SRBD1: variants seen among roughly 807,000 people sequenced by gnomAD.
The protein encoded by SRBD1 is S1 RNA binding domain 1, also known as S1 RNA-binding domain-containing protein 1.
Under a neutral mutation model 115.3 loss-of-function variants are expected in SRBD1, and 88 were observed. The ratio of observed to expected loss-of-function variants is 0.76; its 90% CI spans 0.64 to 0.91. SRBD1 has a LOEUF of 0.91. Ranked by LOEUF, SRBD1 falls within the 40% of genes least tolerant of loss-of-function variation. The pLI, the probability that SRBD1 is intolerant of heterozygous loss-of-function variation, is 0.00. For missense variants in SRBD1, 1,385 were observed against 1,177.4 expected (o/e 1.18, Z -2.58); for synonymous variants, 509 against 407.7 (o/e 1.25, Z -2.99).
intron 16 of SRBD1, among the ~76,000 whole-genome samples, chr2:45,465,134 C>A (rs1025803202): frequency 1.3e-5 from 2 of 151,778 alleles, no homozygotes; most frequent in Non-Finnish European, 2.9e-5. Context: ...TGATATAAAA[C>A]GGTGTAGTAT....
In SRBD1 at chr2:45,581,766, T is replaced by A. The variant is rs1673372305; in HGVS notation, c.860A>T (p.Lys287Met). 6.2e-7 allele frequency: 1 copy of A among 1,613,432 alleles called. No individual in the cohort carries two copies. The highest frequency in any genetic ancestry group is 8.5e-7 in the Non-Finnish European group (1 of 1,179,784). The change falls in exon 6 of 21, where the codon AAG becomes ATG. Residue 287 changes from lysine to methionine, a missense_variant. Transcript: ENST00000263736. Reference sequence around the variant, plus strand: ...CAAGCACTCAGACATCTTCCCTTCCTTCTTAATTTTCTGGATTGTACTATG... The same window carrying A: ...CAAGCACTCAGACATCTTCCCTTCCATCTTAATTTTCTGGATTGTACTATG... ...KVHSTIQKIK[K>M]EGKMSECLLK...
At chr2:45,509,827 TG>T (rs973018957) in intron 14 of SRBD1, among the ~76,000 whole-genome samples, 2 of 152,120 alleles carry the variant, frequency 1.3e-5, no homozygotes, top group African/African-American at 4.8e-5. Context: ...CTTGTATTCT[TG>T]GGCTCAAGTG....
chr2:45,573,114 T>C lies in SRBD1; in HGVS notation c.1305+93A>G, dbSNP rs190079459. On this transcript the variant is annotated intron_variant, in intron 9 of 20. Coordinates refer to ENST00000263736, the MANE Select transcript of SRBD1 (RefSeq NM_018079.5). ...TAAAGAAAAAAGAAAACAGTTGACA[T>C]AAAATTATTTAAATTCTTAGTAAAG... 1,058 of 1,319,654 alleles carry C rather than the reference T, an allele frequency of 8.0e-4. 8 individuals carry two copies. In the African/African-American group the frequency reaches 0.014, roughly 18 times the overall value. 81.7% of individuals were successfully genotyped at this position (1,319,654 alleles called of 1,614,324 possible).
chr2:45,430,719 A>T (rs926408187), intron 16 of SRBD1, among the ~76,000 whole-genome samples: 6 of 152,232 alleles, frequency 3.9e-5, no homozygotes, highest in African/African-American at 1.4e-4. Context: ...GATACCATTC[A>T]GGACATAGGC....
At chr2:45,509,572 G>A (rs1171348552) in intron 14 of SRBD1, among the ~76,000 whole-genome samples, 1 of 131,812 alleles carries the variant, frequency 7.6e-6, no homozygotes, top group Non-Finnish European at 1.6e-5. Flanking sequence ...CTCCAGCCTG[G>A]AGGACACAGC....
intron 8 of SRBD1, among the ~76,000 whole-genome samples, chr2:45,574,095 G>C (rs148275384): frequency 1.6e-3 from 237 of 152,146 alleles, no homozygotes; most frequent in African/African-American, 5.5e-3. Flanking sequence ...GAAGGCTCTA[G>C]GTCAAAGATC....
chr2:45,491,135 C>A (rs1366409885), intron 14 of SRBD1, among the ~76,000 whole-genome samples: 1 of 151,934 alleles, frequency 6.6e-6, no homozygotes, highest in South Asian at 2.1e-4. Flanking sequence ...CTCCCTTTTT[C>A]ATTCCTATTT....
intron 16 of SRBD1, among the ~76,000 whole-genome samples, chr2:45,446,295 T>G (rs1668821690): frequency 6.6e-6 from 1 of 152,188 alleles, no homozygotes; most frequent in African/African-American, 2.4e-5. Flanking sequence ...ATCAGGTCCC[T>G]GCTTCATAAT....
intron 14 of SRBD1, among the ~76,000 whole-genome samples, chr2:45,490,827 G>C (rs1670269694): frequency 6.6e-6 from 1 of 152,112 alleles, no homozygotes; most frequent in Non-Finnish European, 1.5e-5. Context: ...ATACAAAACA[G>C]ATGTGACACA....
At position 45,551,151 on chromosome 2, in the gene SRBD1, C is replaced by T. The variant is rs781213947; in HGVS notation, c.1649G>A (p.Cys550Tyr). Residue 550 changes from cysteine (C) to tyrosine (Y), a missense_variant, in exon 12 of 21, where the codon TGC becomes TAC. Physicochemically the swap from Cys to Tyr is radical, Grantham distance 194. Coordinates refer to ENST00000263736, the MANE Select transcript of SRBD1 (RefSeq NM_018079.5). ...AGTAGGAGAAATTATAGCTAATTTGCAACCATGTTTATAACCAGGATCCAC... is the reference window on the plus strand; with the variant it reads ...AGTAGGAGAAATTATAGCTAATTTGTAACCATGTTTATAACCAGGATCCAC... ...MGVDPGYKHG[C>Y]KLAIISPTSQ... The T allele has an allele frequency of 1.3e-6, 2 of 1,596,084 alleles. No individual in the cohort carries two copies. Among genetic ancestry groups the T allele is most frequent in the African/African-American group, 2.7e-5 (2 of 73,774 alleles).
chr2:45,465,215 T>C (rs1669447981), intron 16 of SRBD1, among the ~76,000 whole-genome samples: 1 of 152,142 alleles, frequency 6.6e-6, no homozygotes. Flanking sequence ...TAATACCTAA[T>C]ACGGTGTAAA....
At chr2:45,583,122 G>A (rs1232788795) in intron 5 of SRBD1, among the ~76,000 whole-genome samples, 1 of 151,774 alleles carries the variant, frequency 6.6e-6, no homozygotes, top group Non-Finnish European at 1.5e-5. Context: ...CCTAATAATG[G>A]TATTGCTAAA....
chr2:45,604,472 AAGG>A (rs1268172331), intron 2 of SRBD1, among the ~76,000 whole-genome samples: 2 of 152,114 alleles, frequency 1.3e-5, no homozygotes, highest in African/African-American at 4.8e-5. Context: ...TAAAGGGACT[AAGG>A]AGAAGGATCT....
At chr2:45,544,044 A>T (rs544701321) in intron 14 of SRBD1, among the ~76,000 whole-genome samples, 4 of 152,204 alleles carry the variant, frequency 2.6e-5, no homozygotes, top group Admixed American at 1.3e-4. Flanking sequence ...ATCCTGGCTA[A>T]TACGGTGAAA....
intron 16 of SRBD1, among the ~76,000 whole-genome samples, chr2:45,450,773 G>A (rs1463952990): frequency 1.3e-5 from 2 of 152,132 alleles, no homozygotes; most frequent in African/African-American, 4.8e-5. Flanking sequence ...ATTAAATTCA[G>A]ATGCAGGGTT....
intron 14 of SRBD1, among the ~76,000 whole-genome samples, chr2:45,507,721 A>G (rs2103913990): frequency 6.6e-6 from 1 of 151,724 alleles, no homozygotes; most frequent in South Asian, 2.1e-4. Context: ...ACTCCGTCTC[A>G]AAAAAAACAA....
intron 16 of SRBD1, among the ~76,000 whole-genome samples, chr2:45,434,921 TC>T (rs1422175299): frequency 6.6e-6 from 1 of 150,380 alleles, no homozygotes; most frequent in African/African-American, 2.4e-5. Context: ...CCCTCCCCGC[TC>T]CCCCCACCCC....
chr2:45,408,889 T>C (rs1181954616), intron 19 of SRBD1, among the ~76,000 whole-genome samples: 1 of 152,108 alleles, frequency 6.6e-6, no homozygotes, highest in Non-Finnish European at 1.5e-5. Flanking sequence ...TTCTAAACCA[T>C]ATTATAACTA....
At chr2:45,561,108 C>A (rs1403954566) in intron 10 of SRBD1, among the ~76,000 whole-genome samples, 1 of 150,896 alleles carries the variant, frequency 6.6e-6, no homozygotes, top group African/African-American at 2.4e-5. Context: ...CCCTGTCTCT[C>A]AAAAAAAGAA....
Sources: gnomAD v4.1 joint callset for allele counts (sites outside exome capture counted in the v4.1 genomes callset) on GRCh38, gnomAD v4.1.1 for gene constraint, MANE v1.5 for transcripts, NCBI Gene and HGNC (gene_info 2026-07-23, HGNC 2026-07-21) for gene names.